SCYL3: variants seen among roughly 807,000 people sequenced by gnomAD.
SCYL3 encodes the protein protein-associating with the carboxyl-terminal domain of ezrin.
In SCYL3, 35 loss-of-function variants were observed where a neutral mutation model predicts 73.8. The ratio of observed to expected loss-of-function variants is 0.47; its 90% CI spans 0.36 to 0.63. SCYL3 has a LOEUF of 0.63. Among genes scored for constraint, SCYL3 ranks in the 20% least tolerant of loss-of-function variants. The probability of loss-of-function intolerance (pLI) is 0.00; values close to 1 mark genes in which losing one functional copy is unlikely to be tolerated. For synonymous variants in SCYL3, 277 were observed against 295.2 expected (o/e 0.94, Z 0.63); for missense variants, 712 against 798.9 (o/e 0.89, Z 1.31).
chr1:169,893,260 CAGG>C (rs1480162887), intron 1 of SCYL3, among the ~76,000 whole-genome samples: 1 of 152,188 alleles, frequency 6.6e-6, no homozygotes, highest in Non-Finnish European at 1.5e-5. Flanking sequence ...TATGCCAAGA[CAGG>C]AGCCAGCTGG....
Position 169,854,649 on chromosome 1 carries a change from C to A in SCYL3, c.1628G>T (p.Gly543Val), listed in dbSNP as rs12143301. 3 of 1,613,860 alleles carry A rather than the reference C, an allele frequency of 1.9e-6. No individual in the cohort carries two copies. The highest frequency in any genetic ancestry group is 2.2e-5 in the South Asian group (2 of 91,078). Residue 543 changes from glycine to valine, a missense_variant, in exon 12 of 13, where the codon GGG becomes GTG. By Grantham distance (109) the Gly-to-Val change is moderately radical. Around this residue, in one of 2 missense-constraint regions of SCYL3, gnomAD observed 370 missense variants for 350.8 expected, o/e 1.05. Coordinates refer to ENST00000367771, the MANE Select transcript of SCYL3 (RefSeq NM_020423.7). Reference sequence around the variant, plus strand: ...CAAAGCAGGAATAGGCTTCTGCTCCCCTGAGGTAACAGGTTTTGTAGCAGT... The same window carrying A: ...CAAAGCAGGAATAGGCTTCTGCTCCACTGAGGTAACAGGTTTTGTAGCAGT... ...GITATKPVTS[G>V]EQKPIPALLS... is the part of the protein sequence containing the mutation.
intron 10 of SCYL3, 141 bp downstream of exon 10, chr1:169,862,472 A>G (rs1659718918): frequency 1.1e-5 from 10 of 880,758 alleles, no homozygotes; most frequent in Non-Finnish European, 1.7e-5. Flanking sequence ...TGGAAATGCA[A>G]TTTTAATTTC....
chr1:169,890,212 T>C (rs1257091426), intron 1 of SCYL3, among the ~76,000 whole-genome samples: 1 of 152,254 alleles, frequency 6.6e-6, no homozygotes, highest in Admixed American at 6.5e-5. Flanking sequence ...ACCAAGAGCC[T>C]GAATAGTTTT....
chr1:169,863,679 T>C (rs1264717682), intron 9 of SCYL3, among the ~76,000 whole-genome samples: 1 of 152,188 alleles, frequency 6.6e-6, no homozygotes, highest in Admixed American at 6.5e-5. Flanking sequence ...GGCACACCCC[T>C]ATGTAAGACC....
intron 7 of SCYL3, among the ~76,000 whole-genome samples, chr1:169,867,908 A>T (rs1660146218): frequency 6.6e-6 from 1 of 152,180 alleles, no homozygotes; most frequent in Admixed American, 6.5e-5. Flanking sequence ...ACCATAAGGG[A>T]TTGTTCTTTG....
chr1:169,877,283 G>A lies in SCYL3; in HGVS notation c.352-1192C>T, dbSNP rs963130836. On this transcript the variant is annotated intron_variant, in intron 3 of 12. Transcript: ENST00000367771. Reference sequence around the variant, plus strand: ...CAATCCTCCCACCTCAGTCTCCGGTGTAGGGGGACTACAGGCATGTGCCAC... The same window carrying A: ...CAATCCTCCCACCTCAGTCTCCGGTATAGGGGGACTACAGGCATGTGCCAC... Among the ~76,000 whole-genome samples the A allele has an allele frequency of 8.6e-5, 13 of 150,872 alleles. 2 individuals carry two copies. The highest frequency in any genetic ancestry group is 6.6e-5 in the Admixed American group (1 of 15,248).
At chr1:169,862,579 C>G in intron 10 of SCYL3, 34 bp downstream of exon 10, 1 of 1,610,098 alleles carries the variant, frequency 6.2e-7, no homozygotes, top group South Asian at 1.1e-5. Context: ...CCCTCAGGTT[C>G]TGTGACTACC....
At position 169,854,566 on chromosome 1, in the gene SCYL3, G is replaced by A. The variant is rs376335762; in HGVS notation, c.1711C>T (p.Leu571Phe). 6.8e-6 allele frequency: 11 copies of A among 1,613,728 alleles called. No homozygotes were observed. In the African/African-American group the frequency reaches 1.5e-4, roughly 22 times the overall value. Reference protein sequence around the residue: ...WKSSLPQKISLVQRGDDADQI... With the variant: ...WKSSLPQKISFVQRGDDADQI... ...TCTGCGTCATCCCCCCTTTGTACAA[G>A]GCTAATCTTTTGGGGTAAGCTTGAT... is the stretch of plus-strand genomic sequence containing the variant. The change falls in exon 12 of 13, where the codon CTT becomes TTT. Residue 571 changes from leucine (L) to phenylalanine (F), a missense_variant. By Grantham distance (22) the Leu-to-Phe change is conservative. This residue lies in a region of SCYL3 where 370 missense variants were observed against 350.8 expected (regional missense o/e 1.05). Transcript: ENST00000367771.
At chr1:169,879,574 T>TA (rs1276280725) in intron 2 of SCYL3, among the ~76,000 whole-genome samples, 1 of 152,142 alleles carries the variant, frequency 6.6e-6, no homozygotes, top group Non-Finnish European at 1.5e-5. Context: ...GCCTGCTAAA[T>TA]AAAAAACATC....
At chr1:169,889,064 CA>C (rs1661877219) in intron 1 of SCYL3, among the ~76,000 whole-genome samples, 174 bp from the exon 2 acceptor site, 1 of 152,176 alleles carries the variant, frequency 6.6e-6, no homozygotes, top group Non-Finnish European at 1.5e-5. Flanking sequence ...TGTTAATTAA[CA>C]ACTAACAGCT....
intron 3 of SCYL3, among the ~76,000 whole-genome samples, chr1:169,877,924 A>G (rs1194238439): frequency 6.6e-6 from 1 of 152,248 alleles, no homozygotes; most frequent in South Asian, 2.1e-4. Context: ...AAAAACATAC[A>G]TAAAGATGAG....
intron 2 of SCYL3, among the ~76,000 whole-genome samples, chr1:169,885,444 G>T (rs1232272700): frequency 6.6e-6 from 1 of 152,142 alleles, no homozygotes; most frequent in East Asian, 1.9e-4. Flanking sequence ...AAATCCACCT[G>T]CAGGCTTTTA....
chr1:169,884,972 T>C (rs17603570), intron 2 of SCYL3, among the ~76,000 whole-genome samples: 10,016 of 152,276 alleles, frequency 0.066, 429 homozygotes, highest in Non-Finnish European at 0.1. Flanking sequence ...CTCTAAAGAA[T>C]AGCAACAAGA....
intron 11 of SCYL3, among the ~76,000 whole-genome samples, chr1:169,857,320 T>C (rs139602518): frequency 1.3e-5 from 2 of 152,364 alleles, no homozygotes; most frequent in Non-Finnish European, 2.9e-5. Context: ...TCAAGTCTCT[T>C]AAAGAAAATG....
intron 8 of SCYL3, 138 bp from the exon 9 acceptor site, chr1:169,864,646 G>T: frequency 1.1e-6 from 1 of 906,402 alleles, no homozygotes; most frequent in Non-Finnish European, 1.6e-6. Context: ...AAGGTGAACA[G>T]ATTGGTCCCC....
In SCYL3 at chr1:169,853,467, G is replaced by T; in HGVS notation, c.*246C>A. 1 of 466,458 alleles carries T rather than the reference G, an allele frequency of 2.1e-6. No individual in the cohort carries two copies. Among genetic ancestry groups the T allele is most frequent in the South Asian group, 4.0e-5 (1 of 24,856 alleles). 28.9% of individuals were successfully genotyped at this position (466,458 alleles called of 1,614,324 possible). ...AGCTACTTGCTCTTCATAGAAACTG[G>T]CCTCAGTCAAATGCACAAAGGCTCT... is the stretch of plus-strand genomic sequence containing the variant. On this transcript the variant is annotated 3_prime_UTR_variant, in exon 13 of 13. Coordinates refer to ENST00000367771, the MANE Select transcript of SCYL3 (RefSeq NM_020423.7).
intron 1 of SCYL3, among the ~76,000 whole-genome samples, chr1:169,890,538 A>C (rs1288547610): frequency 3.3e-5 from 5 of 152,168 alleles, no homozygotes; most frequent in African/African-American, 1.2e-4. Flanking sequence ...ATTCCATACA[A>C]CACCTTCTAC....
intron 2 of SCYL3, among the ~76,000 whole-genome samples, chr1:169,880,279 C>G (rs1444376356): frequency 6.6e-6 from 1 of 151,806 alleles, no homozygotes; most frequent in Non-Finnish European, 1.5e-5. Context: ...AGTATTTAGC[C>G]AAATTTAAAT....
chr1:169,856,679 T>A (rs1000225022), intron 11 of SCYL3, among the ~76,000 whole-genome samples: 2 of 152,156 alleles, frequency 1.3e-5, no homozygotes, highest in African/African-American at 4.8e-5. Context: ...TAATGCCTTA[T>A]CCGATGTCTT....
Sources: allele counts gnomAD v4.1 joint callset (sites outside exome capture counted in the v4.1 genomes callset), GRCh38; gene constraint gnomAD v4.1.1; regional missense constraint gnomAD v4.1.1; transcripts MANE v1.5; gene names NCBI Gene and HGNC (gene_info 2026-07-23, HGNC 2026-07-21).